The following LMO3 variants were observed in gnomAD, a reference collection of about 807,000 sequenced individuals.
LMO3 encodes the protein LIM domain only protein 3.
In LMO3, 2 loss-of-function variants were observed where a neutral mutation model predicts 15.8. That is an observed-to-expected ratio of 0.13 (90% confidence interval 0.05 to 0.40). The LOEUF (loss-of-function observed/expected upper bound fraction) is 0.40, where lower values mean the gene tolerates loss of function less well. Ranked by LOEUF, LMO3 falls within the 10% of genes least tolerant of loss-of-function variation. The pLI is 0.99. For missense variants in LMO3, 86 were observed against 182.2 expected (o/e 0.47, Z 3.04); for synonymous variants, 62 against 63.8 (o/e 0.97, Z 0.13).
chr12:16,590,776 C>T (rs1029698427), intron 2 of LMO3, among the ~76,000 whole-genome samples: 4 of 151,902 alleles, frequency 2.6e-5, no homozygotes, highest in African/African-American at 4.8e-5. Context: ...TATTAATAGA[C>T]GAATGTAGAT....
intron 1 of LMO3, chr12:16,605,225 T>C: frequency 7.7e-7 from 1 of 1,303,448 alleles, no homozygotes; most frequent in African/African-American, 1.5e-5. Context: ...TGGTAACAAA[T>C]GGATTTGATT....
At chr12:16,605,064 G>A (rs764706841) in intron 1 of LMO3, 10 of 1,483,008 alleles carry the variant, frequency 6.7e-6, no homozygotes, top group Non-Finnish European at 8.9e-6. Context: ...AGTGGCGGCA[G>A]GGGGTGGGGG....
Position 16,584,989 on chromosome 12 carries a change from T to A in LMO3, c.206+15666A>T, listed in dbSNP as rs561158396. ...AAAAAGTTACATACTAGTAGCTGTG[T>A]GCCACATTAGAGTTAGTTGCCAATG... On this transcript the variant is annotated intron_variant, in intron 2 of 3. Coordinates refer to ENST00000537304, the MANE Select transcript of LMO3 (RefSeq NM_018640.5). The surrounding 1 kb of genome is among the most constrained non-coding windows in gnomAD (Gnocchi z 5.2). 7.2e-5 allele frequency among the ~76,000 whole-genome samples: 11 copies of A among 152,358 alleles called. No homozygotes were observed. The South Asian group carries it at 2.3e-3, about 32-fold the overall frequency.
upstream of LMO3, chr12:16,607,104 G>A (rs1202957513): frequency 2.0e-5 from 3 of 152,466 alleles, no homozygotes; most frequent in East Asian, 1.9e-4. Context: ...ACTCTCTGAA[G>A]TCGCTGCTCC....
rs1192478125 is a variant in LMO3 at position 16,585,474 on chromosome 12, C to A, written c.206+15181G>T. On this transcript the variant is annotated intron_variant, in intron 2 of 3. Transcript: ENST00000537304. This position sits in a 1 kb window ranked among gnomAD's most constrained non-coding sequence, Gnocchi z 4.7. Reference sequence around the variant, plus strand: ...CATAAATGTTGTTTCAAATATTGTTCCCAAATATTATTCAAATTCACCTAA... The same window carrying A: ...CATAAATGTTGTTTCAAATATTGTTACCAAATATTATTCAAATTCACCTAA... 2.0e-5 allele frequency among the ~76,000 whole-genome samples: 3 copies of A among 152,118 alleles called. No homozygotes were observed. Among genetic ancestry groups the A allele is most frequent in the Non-Finnish European group, 4.4e-5 (3 of 68,022 alleles).
Position 16,556,199 on chromosome 12 carries a change from C to T in LMO3, c.332+4214G>A, listed in dbSNP as rs566797947. On this transcript the variant is annotated intron_variant, in intron 3 of 3. Transcript: ENST00000537304. ...ATTTTTCCTTTTCTTACAAAACTAT[C>T]ATTTAGTTTTATTGTGTTTTCTAAG... is the stretch of plus-strand genomic sequence containing the variant. Among the ~76,000 whole-genome samples the T allele has an allele frequency of 3.9e-5, 6 of 152,190 alleles. No homozygotes were observed. The South Asian group carries it at 1.2e-3, about 32-fold the overall frequency.
intron 2 of LMO3, among the ~76,000 whole-genome samples, chr12:16,583,903 A>G (rs1221573996): frequency 6.6e-6 from 1 of 152,194 alleles, no homozygotes; most frequent in Non-Finnish European, 1.5e-5. Flanking sequence ...AGAAAGAGAC[A>G]TGACAGGAGA....
chr12:16,560,684 C>T lies in LMO3; in HGVS notation c.207-146G>A. The stretch of plus-strand genomic sequence containing the variant: ...AAGTGGATTTTATCCTAGGTGTATG[C>T]ATAAATATTCTTCTGCAATATATTC... On this transcript the variant is annotated intron_variant, in intron 2 of 3. Coordinates refer to ENST00000537304, the MANE Select transcript of LMO3 (RefSeq NM_018640.5). This position sits in a 1 kb window ranked among gnomAD's most constrained non-coding sequence, Gnocchi z 5.0. 1 of 685,702 alleles carries T rather than the reference C, an allele frequency of 1.5e-6. No individual in the cohort carries two copies. The highest frequency in any genetic ancestry group is 2.5e-6 in the Non-Finnish European group (1 of 401,700). 42.5% of individuals were successfully genotyped at this position (685,702 alleles called of 1,614,324 possible).
In LMO3 at chr12:16,603,276, CT is replaced by C. The variant is rs1456102560; in HGVS notation, c.-8-2409del. Among the ~76,000 whole-genome samples, 3 of 152,182 alleles carry C rather than the reference CT, an allele frequency of 2.0e-5. No homozygotes were observed. Among genetic ancestry groups the C allele is most frequent in the Admixed American group, 6.5e-5 (1 of 15,282 alleles). On this transcript the variant is annotated intron_variant, in intron 1 of 3. Coordinates refer to ENST00000537304, the MANE Select transcript of LMO3 (RefSeq NM_018640.5). This position sits in a 1 kb window ranked among gnomAD's most constrained non-coding sequence, Gnocchi z 4.9. The stretch of plus-strand genomic sequence containing the variant: ...GATATTTCACACTCCATCCTGGTAC[CT>C]TATTTGAAGAACATCATGGCAATTC...
rs938553169 is a variant in LMO3 at position 16,576,007 on chromosome 12, C to A, written c.207-15469G>T. On this transcript the variant is annotated intron_variant, in intron 2 of 3. Transcript: ENST00000537304. This position sits in a 1 kb window ranked among gnomAD's most constrained non-coding sequence, Gnocchi z 4.1. ...TTGAATTTGCCTCCTCTTCTCAGAC[C>A]CCCAAATCTAGCCCTGCCGCTGTGT... is the stretch of plus-strand genomic sequence containing the variant. Among the ~76,000 whole-genome samples the A allele has an allele frequency of 6.9e-6, 1 of 144,950 alleles. No individual in the cohort carries two copies. Among genetic ancestry groups the A allele is most frequent in the Non-Finnish European group, 1.5e-5 (1 of 67,928 alleles).
intron 2 of LMO3, among the ~76,000 whole-genome samples, chr12:16,590,740 A>G (rs932310195): frequency 6.6e-6 from 1 of 152,088 alleles, no homozygotes; most frequent in African/African-American, 2.4e-5. Context: ...TTGAAATACT[A>G]TGATGTATAG....
chr12:16,601,705 A>G (rs960518324), intron 1 of LMO3: 1 of 152,172 alleles, frequency 6.6e-6, no homozygotes, highest in African/African-American at 2.4e-5. Context: ...AACATATATA[A>G]GTAAATATAT....
chr12:16,570,038 C>T (rs1942760463), intron 2 of LMO3, among the ~76,000 whole-genome samples: 1 of 152,110 alleles, frequency 6.6e-6, no homozygotes, highest in East Asian at 1.9e-4. Flanking sequence ...AGATACTACA[C>T]ATCTCTCCCT....
chr12:16,597,653 C>T lies in LMO3; in HGVS notation c.206+3002G>A, dbSNP rs561875819. On this transcript the variant is annotated intron_variant, in intron 2 of 3. Transcript: ENST00000537304. The surrounding 1 kb of genome is among the most constrained non-coding windows in gnomAD (Gnocchi z 5.0). ...GGCAAATTACTATTTTATTACTTTC[C>T]TTATTCTTACTTATGTTCTTAATAA... 3.6e-4 allele frequency: 54 copies of T among 151,976 alleles called. No individual in the cohort carries two copies. Among genetic ancestry groups the T allele is most frequent in the African/African-American group, 1.2e-3 (50 of 41,542 alleles). 9.4% of individuals were successfully genotyped at this position (151,976 alleles called of 1,614,324 possible).
chr12:16,551,246 TTC>T lies in LMO3; in HGVS notation c.412_413del (p.Glu138ArgfsTer40), dbSNP rs1393659944. 6.2e-7 allele frequency: 1 copy of T among 1,611,672 alleles called. No homozygotes were observed. The highest frequency in any genetic ancestry group is 8.5e-7 in the Non-Finnish European group (1 of 1,177,942). ...ATCAGCGAACCTGGGGTGCATAACC[TTC>T]TTTCATTAAACCTTCCTCGTAGTCC... The part of the protein sequence containing the change: ...QTDYEEGLMK[E>X]GYAPQVR On this transcript the variant is annotated frameshift_variant, in exon 4 of 4. Transcript: ENST00000537304. LOFTEE classifies it high-confidence loss of function.
At chr12:16,552,337 T>G (rs1942020198) in intron 3 of LMO3, among the ~76,000 whole-genome samples, 1 of 152,036 alleles carries the variant, frequency 6.6e-6, no homozygotes, top group Non-Finnish European at 1.5e-5. Context: ...TGACCTTTGA[T>G]AGTAGTCTCT....
At chr12:16,553,304 C>T (rs940892686) in intron 3 of LMO3, among the ~76,000 whole-genome samples, 1 of 152,062 alleles carries the variant, frequency 6.6e-6, no homozygotes, top group East Asian at 1.9e-4. Flanking sequence ...ATTCAAGACT[C>T]AAGCTTTTAC....
chr12:16,605,724 T>G, intron 1 of LMO3: 5 of 1,513,308 alleles, frequency 3.3e-6, no homozygotes, highest in Non-Finnish European at 4.4e-6. Context: ...GTGGAAATAC[T>G]GCAGTTCATG....
At chr12:16,572,258 C>A (rs1942837874) in intron 2 of LMO3, among the ~76,000 whole-genome samples, 1 of 151,328 alleles carries the variant, frequency 6.6e-6, no homozygotes, top group African/African-American at 2.4e-5. Flanking sequence ...TACAATAAAA[C>A]CTGTAGATTA....
Sources: allele counts gnomAD v4.1 joint callset (sites outside exome capture counted in the v4.1 genomes callset), GRCh38; gene constraint gnomAD v4.1.1; non-coding constraint Gnocchi (gnomAD v3.1); transcripts MANE v1.5; gene names NCBI Gene and HGNC (gene_info 2026-07-23, HGNC 2026-07-21).